PPP2R2A: variants seen among roughly 807,000 people sequenced by gnomAD.
PPP2R2A encodes protein phosphatase 2 regulatory subunit Balpha.
Under a neutral mutation model 53.2 loss-of-function variants are expected in PPP2R2A, and 9 were observed. That is an observed-to-expected ratio of 0.17 (90% CI 0.10 to 0.30). The LOEUF is 0.30. Ranked by LOEUF, PPP2R2A falls within the 10% of genes least tolerant of loss-of-function variation. PPP2R2A has a pLI of 1.00. For missense variants in PPP2R2A, 235 were observed against 534.6 expected, an observed-to-expected ratio of 0.44 and a Z score of 5.53; for synonymous variants, 169 against 174.2, an observed-to-expected ratio of 0.97 and a Z score of 0.23.
chr8:26,319,162 G>T (rs1563294372), intron 2 of PPP2R2A, among the ~76,000 whole-genome samples: 1 of 151,896 alleles, frequency 6.6e-6, no homozygotes, highest in East Asian at 1.9e-4. Context: ...CTTTCTTAAG[G>T]CTGCATAATC....
At chr8:26,345,266 G>A (rs1804152430) in intron 3 of PPP2R2A, among the ~76,000 whole-genome samples, 1 of 152,034 alleles carries the variant, frequency 6.6e-6, no homozygotes, top group Admixed American at 6.6e-5. Flanking sequence ...AATAAACTTG[G>A]AATTTATTTA....
intron 2 of PPP2R2A, among the ~76,000 whole-genome samples, chr8:26,303,895 A>G (rs1045964026): frequency 1.4e-4 from 21 of 152,328 alleles, no homozygotes; most frequent in South Asian, 2.1e-4. Flanking sequence ...TATATACCAC[A>G]TTGCCGGGAG....
chr8:26,369,283 G>A (rs1344794838), intron 9 of PPP2R2A, among the ~76,000 whole-genome samples: 4 of 152,052 alleles, frequency 2.6e-5, no homozygotes. Context: ...CTGGAGTGCA[G>A]TGGCACAATC....
At chr8:26,329,546 T>G (rs1217004698) in intron 2 of PPP2R2A, among the ~76,000 whole-genome samples, 1 of 152,188 alleles carries the variant, frequency 6.6e-6, no homozygotes, top group Non-Finnish European at 1.5e-5. Flanking sequence ...TTAAAAAAAT[T>G]CCACCAGACT....
rs571848093 is a variant in PPP2R2A, at chr8:26,360,696, T to A, written c.460-278T>A. The A allele has an allele frequency of 2.6e-6, 1 of 391,508 alleles. No individual in the cohort carries two copies. Among genetic ancestry groups the A allele is most frequent in the Non-Finnish European group, 4.5e-6 (1 of 223,330 alleles). 24.3% of individuals were successfully genotyped at this position (391,508 alleles called of 1,614,324 possible). ...GCCTCTTTAATCTGAACCATAAACA[T>A]TTATTAGCTTGGCATGTCTTTCAAG... On this transcript the variant is annotated intron_variant, in intron 5 of 9. Coordinates refer to ENST00000380737, the MANE Select transcript of PPP2R2A (RefSeq NM_002717.4). This position sits in a 1 kb window ranked among gnomAD's most constrained non-coding sequence, Gnocchi z 4.5.
intron 9 of PPP2R2A, among the ~76,000 whole-genome samples, chr8:26,369,699 T>C (rs1236185605): frequency 1.3e-5 from 2 of 152,120 alleles, no homozygotes; most frequent in Non-Finnish European, 2.9e-5. Flanking sequence ...GCCCAAAAAA[T>C]GTAAATCATA....
At chr8:26,319,882 AT>A (rs1249569595) in intron 2 of PPP2R2A, among the ~76,000 whole-genome samples, 1 of 152,066 alleles carries the variant, frequency 6.6e-6, no homozygotes, top group Non-Finnish European at 1.5e-5. Context: ...GTCTCCTTGG[AT>A]GAATTTATTC....
At chr8:26,356,839 C>CAAAT (rs1804806623) in intron 4 of PPP2R2A, among the ~76,000 whole-genome samples, 1 of 152,216 alleles carries the variant, frequency 6.6e-6, no homozygotes, top group East Asian at 1.9e-4. Flanking sequence ...ACTTCTGACA[C>CAAAT]TCCTCAGTTC....
Position 26,291,706 on chromosome 8 carries a change from A to G in PPP2R2A, c.-114A>G. The G allele has an allele frequency of 6.0e-6, 1 of 165,330 alleles. No individual in the cohort carries two copies. Among genetic ancestry groups the G allele is most frequent in the Non-Finnish European group, 1.2e-5 (1 of 83,600 alleles). 10.2% of individuals were successfully genotyped at this position (165,330 alleles called of 1,614,324 possible). The stretch of plus-strand genomic sequence containing the variant: ...CCCGGCCCCCGTCCCCTCCCCCCGC[A>G]GGTGCCATCCGCCGCCATCCGCCCT... On this transcript the variant is annotated 5_prime_UTR_variant, in exon 1 of 10. Coordinates refer to ENST00000380737, the MANE Select transcript of PPP2R2A (RefSeq NM_002717.4).
intron 7 of PPP2R2A, 114 bp from the exon 8 acceptor site, chr8:26,363,607 C>A: frequency 2.2e-6 from 2 of 900,302 alleles, no homozygotes; most frequent in Non-Finnish European, 3.1e-6. Context: ...CTTTATTAGC[C>A]TGGCATTTTA....
At chr8:26,339,737 C>T (rs1283014389) in intron 3 of PPP2R2A, among the ~76,000 whole-genome samples, 1 of 151,922 alleles carries the variant, frequency 6.6e-6, no homozygotes, top group East Asian at 1.9e-4. Flanking sequence ...GAACATTCTG[C>T]CCCTATTTAT....
chr8:26,293,864 A>G (rs1237750033), intron 2 of PPP2R2A, 124 bp downstream of exon 2: 57 of 881,012 alleles, frequency 6.5e-5, no homozygotes, highest in Non-Finnish European at 9.4e-5. Context: ...AAGAAATGTA[A>G]GAACAGTTTT....
At chr8:26,318,435 A>G (rs1187062211) in intron 2 of PPP2R2A, among the ~76,000 whole-genome samples, 1 of 152,164 alleles carries the variant, frequency 6.6e-6, no homozygotes, top group Non-Finnish European at 1.5e-5. Flanking sequence ...TGGGTGAAAT[A>G]ATTTGATGTC....
chr8:26,319,106 T>G (rs375815961), intron 2 of PPP2R2A, among the ~76,000 whole-genome samples: 14 of 152,326 alleles, frequency 9.2e-5, no homozygotes, highest in Admixed American at 3.3e-4. Flanking sequence ...GGTGGAATCC[T>G]ACAGTATTTG....
chr8:26,367,306 G>A (rs753791203), intron 9 of PPP2R2A, among the ~76,000 whole-genome samples: 1 of 151,976 alleles, frequency 6.6e-6, no homozygotes, highest in Non-Finnish European at 1.5e-5. Context: ...GAAGGAAAGG[G>A]AAGAAGAAAA....
intron 1 of PPP2R2A, chr8:26,292,065 G>A (rs1801321538): frequency 2.5e-6 from 3 of 1,195,690 alleles, no homozygotes; most frequent in Non-Finnish European, 3.1e-6. Flanking sequence ...TGGGGGTGGG[G>A]TGTGCCGGCG....
rs1266638858 is a variant in PPP2R2A at position 26,352,907 on chromosome 8, C to A, written c.181-1561C>A. 3.3e-5 allele frequency among the ~76,000 whole-genome samples: 5 copies of A among 152,318 alleles called. No homozygotes were observed. The East Asian group carries it at 9.6e-4, about 29-fold the overall frequency. On this transcript the variant is annotated intron_variant, in intron 3 of 9. Transcript: ENST00000380737. The stretch of plus-strand genomic sequence containing the variant: ...ACTAAAGTTTGACGTACACAAGTTA[C>A]TTGAATGTGGGGATTCTGTCTATCC...
intron 3 of PPP2R2A, among the ~76,000 whole-genome samples, chr8:26,341,796 C>G (rs1803955677): frequency 6.6e-6 from 1 of 152,174 alleles, no homozygotes; most frequent in Non-Finnish European, 1.5e-5. Flanking sequence ...TATCTCCACC[C>G]ACTCATTTTT....
At chr8:26,369,168 G>A (rs1805538984) in intron 9 of PPP2R2A, among the ~76,000 whole-genome samples, 1 of 151,880 alleles carries the variant, frequency 6.6e-6, no homozygotes, top group African/African-American at 2.4e-5. Flanking sequence ...ATATTCTCAG[G>A]AGCAGATTAT....
Sources: allele counts gnomAD v4.1 joint callset (sites outside exome capture counted in the v4.1 genomes callset), GRCh38; gene constraint gnomAD v4.1.1; non-coding constraint Gnocchi (gnomAD v3.1); transcripts MANE v1.5; gene names NCBI Gene and HGNC (gene_info 2026-07-23, HGNC 2026-07-21).